The following ESYT2 variants were observed in gnomAD, a reference collection of about 807,000 sequenced individuals.
The protein encoded by ESYT2 is extended synaptotagmin-2.
Under a neutral mutation model 107.2 loss-of-function variants are expected in ESYT2, and 54 were observed. The observed-to-expected ratio is 0.50, with a 90% confidence interval of 0.40 to 0.63. ESYT2 has a LOEUF of 0.63. Ranked by LOEUF, ESYT2 falls within the 30% of genes least tolerant of loss-of-function variation. ESYT2 has a pLI of 0.00. For missense variants in ESYT2, 1,020 were observed against 1,094.5 expected (o/e 0.93, Z 0.96); for synonymous variants, 491 against 434.1 (o/e 1.13, Z -1.63).
chr7:158,787,955 A>G (rs1839165403), intron 6 of ESYT2, 49 bp downstream of exon 6: 1 of 1,483,336 alleles, frequency 6.7e-7, no homozygotes. Flanking sequence ...ACGGGTATGT[A>G]TTTTTGCCAC....
intron 1 of ESYT2, among the ~76,000 whole-genome samples, chr7:158,828,381 C>T (rs1450808506): frequency 1.3e-5 from 2 of 152,262 alleles, no homozygotes; most frequent in Admixed American, 1.3e-4. Context: ...GCTCTGAGAG[C>T]AGAACCGGCC....
At chr7:158,800,707 GTTTCTT>G (rs1446082922) in intron 1 of ESYT2, among the ~76,000 whole-genome samples, 1 of 150,008 alleles carries the variant, frequency 6.7e-6, no homozygotes, top group South Asian at 2.1e-4. Context: ...TTTTAAATAG[GTTTCTT>G]TTTCTTTTTT....
rs560452573 is a variant in ESYT2 at position 158,747,532 on chromosome 7, G to T, written c.1644+662C>A. Among the ~76,000 whole-genome samples, 9 of 152,182 alleles carry T rather than the reference G, an allele frequency of 5.9e-5. No individual in the cohort carries two copies. The East Asian group carries it at 1.5e-3, about 26-fold the overall frequency. On this transcript the variant is annotated intron_variant, in intron 16 of 22. Coordinates refer to ENST00000275418, the MANE Select transcript of ESYT2 (RefSeq NM_001367773.1). The stretch of plus-strand genomic sequence containing the variant: ...TTAGTAATGACGCTGAAACCACCCG[G>T]TAATACTCCTATCTACCCACTAACA...
chr7:158,809,483 A>C (rs1304188149), intron 1 of ESYT2, among the ~76,000 whole-genome samples: 8 of 149,694 alleles, frequency 5.3e-5, no homozygotes, highest in African/African-American at 2.0e-4. Flanking sequence ...TCAAAAAAAA[A>C]AAAAAAAAAA....
chr7:158,754,257 A>G (rs1209726602), intron 13 of ESYT2, among the ~76,000 whole-genome samples: 2 of 152,174 alleles, frequency 1.3e-5, no homozygotes, highest in Admixed American at 1.3e-4. Context: ...ACCAGGCTGC[A>G]GTGCAGTGGC....
Position 158,747,373 on chromosome 7 carries a change from C to A in ESYT2, c.1644+821G>T, listed in dbSNP as rs575216987. ...AAAGAATGAAACATTAAAAAAAAAA[C>A]CCCAAACGTCTTACAAACTCAGTAT... is the stretch of plus-strand genomic sequence containing the variant. On this transcript the variant is annotated intron_variant, in intron 16 of 22. Coordinates refer to ENST00000275418, the MANE Select transcript of ESYT2 (RefSeq NM_001367773.1). Among the ~76,000 whole-genome samples, 769 of 151,286 alleles carry A rather than the reference C, an allele frequency of 5.1e-3. 4 individuals are homozygous for A. Among genetic ancestry groups the A allele is most frequent in the African/African-American group, 0.018 (734 of 41,228 alleles).
At chr7:158,777,143 G>T (rs933831699) in intron 6 of ESYT2, among the ~76,000 whole-genome samples, 1 of 151,986 alleles carries the variant, frequency 6.6e-6, no homozygotes, top group South Asian at 2.1e-4. Flanking sequence ...GATTACAGGC[G>T]TGAGCCACCT....
intron 6 of ESYT2, among the ~76,000 whole-genome samples, 164 bp from the exon 7 acceptor site, chr7:158,773,560 C>T (rs1201242140): frequency 2.6e-5 from 4 of 152,072 alleles, no homozygotes; most frequent in Non-Finnish European, 5.9e-5. Context: ...TTTGGTGGTA[C>T]GTGGAGACCT....
intron 6 of ESYT2, among the ~76,000 whole-genome samples, chr7:158,785,532 A>C (rs1409787951): frequency 6.6e-6 from 1 of 152,242 alleles, no homozygotes; most frequent in Non-Finnish European, 1.5e-5. Context: ...TTCTTAAAAT[A>C]TGAAGACTAC....
At chr7:158,764,319 C>G (rs982811567) in intron 9 of ESYT2, among the ~76,000 whole-genome samples, 1 of 152,086 alleles carries the variant, frequency 6.6e-6, no homozygotes, top group African/African-American at 2.4e-5. Flanking sequence ...TAAAAAAAAG[C>G]TTGCAAGGAG....
Position 158,809,216 on chromosome 7 carries a change from A to G in ESYT2, c.331-10144T>C, listed in dbSNP as rs146839076. On this transcript the variant is annotated intron_variant, in intron 1 of 22. Coordinates refer to ENST00000275418, the MANE Select transcript of ESYT2 (RefSeq NM_001367773.1). ...CGGGGCGTGGTGCGTGGTGGCTCAT[A>G]CCTGTAATCCCAGCACTTTGGGAGG... is the stretch of plus-strand genomic sequence containing the variant. Among the ~76,000 whole-genome samples the G allele has an allele frequency of 4.2e-3, 641 of 151,400 alleles. 5 individuals carry two copies. Among genetic ancestry groups the G allele is most frequent in the South Asian group, 0.013 (63 of 4,788 alleles).
At position 158,788,386 on chromosome 7, in the gene ESYT2, T is replaced by C. The variant is rs1839178888; in HGVS notation, c.616A>G (p.Ile206Val). 3.7e-6 allele frequency: 6 copies of C among 1,611,660 alleles called. No homozygotes were observed. Among genetic ancestry groups the C allele is most frequent in the African/African-American group, 1.3e-5 (1 of 74,954 alleles). The part of the protein sequence containing the change: ...FVGNCEIDLE[I>V]KRYFCRAGVK... The stretch of plus-strand genomic sequence containing the variant: ...CCAGCTCTACAAAAATATCGTTTGA[T>C]CTCCAAATCAATCTCACAATTTCCT... Residue 206 changes from isoleucine to valine, a missense_variant, in exon 5 of 23, where the codon ATC (isoleucine) becomes GTC (valine). Ile to Val is a conservative substitution (Grantham distance 29). Transcript: ENST00000275418.
intron 1 of ESYT2, among the ~76,000 whole-genome samples, chr7:158,823,917 T>G (rs1259055418): frequency 6.6e-6 from 1 of 152,234 alleles, no homozygotes; most frequent in Non-Finnish European, 1.5e-5. Flanking sequence ...ATATAAACTA[T>G]TTATATTTCA....
intron 6 of ESYT2, among the ~76,000 whole-genome samples, chr7:158,777,733 T>A (rs1367047049): frequency 6.6e-6 from 1 of 152,190 alleles, no homozygotes; most frequent in African/African-American, 2.4e-5. Flanking sequence ...TCAGGTAGAA[T>A]CTTTATAGCG....
chr7:158,822,349 T>C (rs2129474319), intron 1 of ESYT2, among the ~76,000 whole-genome samples: 1 of 152,348 alleles, frequency 6.6e-6, no homozygotes, highest in Middle Eastern at 3.4e-3. Flanking sequence ...GTTAAGACTT[T>C]GGAATAACTC....
At chr7:158,757,763 T>G (rs73729982) in intron 13 of ESYT2, among the ~76,000 whole-genome samples, 15,360 of 151,228 alleles carry the variant, frequency 0.1, 1,192 homozygotes, top group East Asian at 0.43. Context: ...GGTTTTTTTT[T>G]TTTTGTTTTT....
intron 1 of ESYT2, among the ~76,000 whole-genome samples, chr7:158,804,882 C>T (rs1380834243): frequency 6.6e-6 from 1 of 152,178 alleles, no homozygotes; most frequent in Admixed American, 6.5e-5. Flanking sequence ...TCCAAGAAAG[C>T]TGGTGTCCTG....
At chr7:158,787,319 C>A (rs1330550753) in intron 6 of ESYT2, among the ~76,000 whole-genome samples, 1 of 152,186 alleles carries the variant, frequency 6.6e-6, no homozygotes, top group African/African-American at 2.4e-5. Context: ...TAGCATCATG[C>A]TCAAAGGAAA....
intron 7 of ESYT2, among the ~76,000 whole-genome samples, chr7:158,771,316 T>C (rs1031759722): frequency 5.3e-5 from 8 of 152,368 alleles, no homozygotes; most frequent in African/African-American, 1.9e-4. Flanking sequence ...TTTTCTACAC[T>C]GATGTGTGTG....
Sources: allele counts gnomAD v4.1 joint callset (sites outside exome capture counted in the v4.1 genomes callset), GRCh38; gene constraint gnomAD v4.1.1; transcripts MANE v1.5; gene names NCBI Gene and HGNC (gene_info 2026-07-23, HGNC 2026-07-21).